DPP6: variants seen among roughly 807,000 people sequenced by gnomAD.
The protein encoded by DPP6 is A-type potassium channel modulatory protein DPP6.
Under a neutral mutation model 122.6 loss-of-function variants are expected in DPP6, and 69 were observed. The observed-to-expected ratio is 0.56, with a 90% CI of 0.46 to 0.69. The LOEUF (loss-of-function observed/expected upper bound fraction) is 0.69, where lower values mean the gene tolerates loss of function less well. Among genes scored for constraint, DPP6 ranks in the 30% least tolerant of loss-of-function variants. The probability of loss-of-function intolerance (pLI) is 0.00; values close to 1 mark genes in which losing one functional copy is unlikely to be tolerated. For synonymous variants in DPP6, 418 were observed against 433.1 expected, an observed-to-expected ratio of 0.97 and a Z score of 0.43; for missense variants, 928 against 1,116.9, an observed-to-expected ratio of 0.83 and a Z score of 2.41.
chr7:153,782,911 C>A, the DPP6 span, among the ~76,000 whole-genome samples: 1 of 152,134 alleles, frequency 6.6e-6, no homozygotes, highest in African/African-American at 2.4e-5. Context: ...ACCACTGCAG[C>A]CTGGGATTTT....
intron 1 of DPP6, among the ~76,000 whole-genome samples, chr7:153,923,425 G>A (rs1367484078): frequency 6.6e-6 from 1 of 152,082 alleles, no homozygotes. Flanking sequence ...CCCTTTCTTA[G>A]GAAGTTCAGA....
chr7:154,127,597 TCACACACACA>T lies in DPP6; in HGVS notation c.243+74561_243+74570del, dbSNP rs71182879. Among the ~76,000 whole-genome samples, 1,031 of 136,708 alleles carry T rather than the reference TCACACACACA, an allele frequency of 7.5e-3. 14 individuals carry two copies. Among genetic ancestry groups the T allele is most frequent in the Middle Eastern group, 0.014 (4 of 286 alleles). The allele number at this position is 136,708 out of a possible 152,430, so 89.7% of individuals were successfully genotyped here. On this transcript the variant is annotated intron_variant, in intron 1 of 25. Coordinates refer to ENST00000377770, the MANE Select transcript of DPP6 (RefSeq NM_130797.4). ...AGTTGGGGTAAACAGGAGCAGCATC[TCACACACACA>T]CACACACACACACACACACACACAC... is the stretch of plus-strand genomic sequence containing the variant.
intron 1 of DPP6, among the ~76,000 whole-genome samples, chr7:154,341,884 C>T (rs1166696497): frequency 6.6e-6 from 1 of 152,010 alleles, no homozygotes; most frequent in Non-Finnish European, 1.5e-5. Context: ...TTAAAGAGAA[C>T]ATTTTTAGCA....
chr7:154,351,005 G>T (rs1810806635), intron 1 of DPP6, among the ~76,000 whole-genome samples: 1 of 152,146 alleles, frequency 6.6e-6, no homozygotes, highest in Non-Finnish European at 1.5e-5. Context: ...TGGACTGTAG[G>T]TTCTGGAAAA....
At chr7:153,987,509 G>A (rs1238027771) in intron 1 of DPP6, among the ~76,000 whole-genome samples, 1 of 152,164 alleles carries the variant, frequency 6.6e-6, no homozygotes, top group Non-Finnish European at 1.5e-5. Context: ...TGCCTTCTAG[G>A]TAATTCACAC....
intron 16 of DPP6, among the ~76,000 whole-genome samples, chr7:154,820,630 G>C (rs1050187998): frequency 2.6e-5 from 4 of 152,070 alleles, no homozygotes; most frequent in African/African-American, 7.2e-5. Context: ...CAACCAAAAG[G>C]CTTCCCAGAG....
chr7:153,771,520 A>G, the DPP6 span, among the ~76,000 whole-genome samples: 2 of 152,168 alleles, frequency 1.3e-5, no homozygotes, highest in East Asian at 1.9e-4. Context: ...TTGTATTTTT[A>G]GTAGAGACAA....
chr7:154,716,464 A>G (rs1390850554), intron 7 of DPP6, among the ~76,000 whole-genome samples: 4 of 152,062 alleles, frequency 2.6e-5, no homozygotes, highest in Non-Finnish European at 5.9e-5. Flanking sequence ...TTCTCCCTTC[A>G]ACTCTCTCCC....
At chr7:154,511,141 TAGTG>T (rs1191837591) in intron 3 of DPP6, among the ~76,000 whole-genome samples, 8 of 152,152 alleles carry the variant, frequency 5.3e-5, no homozygotes, top group African/African-American at 1.4e-4. Flanking sequence ...GTTCAGGAAA[TAGTG>T]AGAACACCGA....
chr7:154,743,039 G>C (rs1375515327), intron 8 of DPP6, among the ~76,000 whole-genome samples: 1 of 152,200 alleles, frequency 6.6e-6, no homozygotes, highest in East Asian at 1.9e-4. Flanking sequence ...GATAAAGCCA[G>C]AAATAAAAGG....
intron 1 of DPP6, among the ~76,000 whole-genome samples, chr7:154,320,973 A>C (rs558831625): frequency 6.6e-6 from 1 of 152,338 alleles, no homozygotes; most frequent in East Asian, 1.9e-4. Flanking sequence ...AAAGGATCCA[A>C]TGGAAAAAAT....
intron 1 of DPP6, among the ~76,000 whole-genome samples, chr7:154,175,152 C>T (rs974512904): frequency 6.6e-6 from 1 of 152,084 alleles, no homozygotes; most frequent in Non-Finnish European, 1.5e-5. Flanking sequence ...TACTGCCCAT[C>T]ACATAAAAGA....
intron 6 of DPP6, among the ~76,000 whole-genome samples, chr7:154,648,660 C>A (rs1836663485): frequency 6.6e-6 from 1 of 152,130 alleles, no homozygotes; most frequent in Admixed American, 6.5e-5. Context: ...TGGCTCACAT[C>A]TGTAATCCCA....
intron 17 of DPP6, among the ~76,000 whole-genome samples, chr7:154,861,673 C>CTT (rs1803408608): frequency 6.6e-6 from 1 of 152,278 alleles, no homozygotes; most frequent in African/African-American, 2.4e-5. Context: ...ACATTACATA[C>CTT]TTTGATAATT....
chr7:154,696,242 G>C (rs2131243125), intron 7 of DPP6, among the ~76,000 whole-genome samples: 1 of 152,324 alleles, frequency 6.6e-6, no homozygotes, highest in South Asian at 2.1e-4. Context: ...CAGCCACCCG[G>C]GCCCCTGGGT....
intron 1 of DPP6, chr7:154,093,624 CACACACACCAT>C (rs1442081745): frequency 1.6e-4 from 23 of 142,304 alleles, no homozygotes; most frequent in African/African-American, 5.6e-4. Context: ...CACACACACA[CACACACACCAT>C]ACACACACAC....
At chr7:154,764,049 A>G (rs1254840448) in intron 8 of DPP6, among the ~76,000 whole-genome samples, 2 of 152,040 alleles carry the variant, frequency 1.3e-5, no homozygotes, top group African/African-American at 4.8e-5. Context: ...CTTCACCTCT[A>G]TGCCCTGGGC....
intron 1 of DPP6, among the ~76,000 whole-genome samples, chr7:154,394,286 C>T (rs1030443447): frequency 2.6e-5 from 4 of 152,126 alleles, no homozygotes; most frequent in Non-Finnish European, 2.9e-5. Flanking sequence ...TAACAGTAGC[C>T]ATCCTACTAA....
chr7:154,080,912 G>C (rs962381040), intron 1 of DPP6, among the ~76,000 whole-genome samples: 1 of 152,092 alleles, frequency 6.6e-6, no homozygotes, highest in African/African-American at 2.4e-5. Context: ...CCTTGGGTGT[G>C]CCTGGATGCT....
Sources: allele counts gnomAD v4.1 joint callset (sites outside exome capture counted in the v4.1 genomes callset), GRCh38; gene constraint gnomAD v4.1.1; transcripts MANE v1.5; gene names NCBI Gene and HGNC (gene_info 2026-07-23, HGNC 2026-07-21).